Variants in ARHGAP8 observed in about 807,000 individuals in gnomAD.
ARHGAP8 encodes rho GTPase-activating protein 8.
In ARHGAP8, 62 loss-of-function variants were observed where a neutral mutation model predicts 46.1. The observed-to-expected ratio is 1.34, with a 90% CI of 1.10 to 1.66. The LOEUF (loss-of-function observed/expected upper bound fraction) is 1.66, where lower values mean the gene tolerates loss of function less well. ARHGAP8 is among the 40% of genes most tolerant of loss of function. The pLI is 0.00. For missense variants in ARHGAP8, 923 were observed against 568.4 expected, an observed-to-expected ratio of 1.62 and a Z score of -6.34; for synonymous variants, 375 against 243.1, an observed-to-expected ratio of 1.54 and a Z score of -5.05.
chr22:44,826,072 T>G (rs1388029943), intron 7 of ARHGAP8, among the ~76,000 whole-genome samples: 2 of 151,986 alleles, frequency 1.3e-5, no homozygotes, highest in Non-Finnish European at 2.9e-5. Flanking sequence ...CCCACCACCT[T>G]CAAGGAGGGC....
rs1555925268 is a variant in ARHGAP8 at position 44,862,542 on chromosome 22, ACCAAGCCTACCCTACCTCC to A, written c.1250_1268del (p.Thr417ArgfsTer4). 8.1e-6 allele frequency: 13 copies of A among 1,606,320 alleles called. No homozygotes were observed. The highest frequency in any genetic ancestry group is 1.1e-5 in the Non-Finnish European group (13 of 1,173,994). ...GCCACGGACACAAGCCACGGGCCTC[ACCAAGCCTACCCTACCTCC>A]GAGTCCCCTGATGGCAGCCAGAAGA... On this transcript the variant is annotated frameshift_variant, in exon 12 of 12. Transcript: ENST00000356099. LOFTEE classifies it low-confidence loss of function (END_TRUNC).
intron 2 of ARHGAP8, among the ~76,000 whole-genome samples, chr22:44,793,311 G>A (rs913770753): frequency 1.3e-5 from 2 of 152,166 alleles, no homozygotes; most frequent in African/African-American, 4.8e-5. Context: ...AGAAGAGGTA[G>A]AGGTAGACGC....
At chr22:44,799,399 C>T (rs1928325385) in intron 2 of ARHGAP8, among the ~76,000 whole-genome samples, 1 of 152,164 alleles carries the variant, frequency 6.6e-6, no homozygotes. Context: ...ATGCGGGGGG[C>T]AACAGCTTTT....
intron 2 of ARHGAP8, among the ~76,000 whole-genome samples, chr22:44,791,650 G>A (rs914910212): frequency 1.3e-5 from 2 of 152,182 alleles, no homozygotes; most frequent in Admixed American, 6.5e-5. Context: ...GTTGCAGTGA[G>A]CCGAGATTGC....
chr22:44,760,797 C>G (rs1925070210), intron 1 of ARHGAP8, among the ~76,000 whole-genome samples: 2 of 152,218 alleles, frequency 1.3e-5, no homozygotes, highest in South Asian at 4.1e-4. Flanking sequence ...TGCCAGCATG[C>G]CTGTTCGGGT....
rs140266585 is a variant in ARHGAP8, at chr22:44,790,545, A to G, written c.79+3939A>G. 3.1e-3 allele frequency among the ~76,000 whole-genome samples: 464 copies of G among 151,754 alleles called. 3 individuals carry two copies. Among genetic ancestry groups the G allele is most frequent in the East Asian group, 4.8e-3 (24 of 5,050 alleles). ...ACAAAAATTAGCCAGGTGTGGTGGCACATATCTGTAATCCCAGCTACTTGG... is the reference window on the plus strand; with the variant it reads ...ACAAAAATTAGCCAGGTGTGGTGGCGCATATCTGTAATCCCAGCTACTTGG... On this transcript the variant is annotated intron_variant, in intron 2 of 11. Coordinates refer to ENST00000356099, the MANE Select transcript of ARHGAP8 (RefSeq NM_181335.3).
intron 5 of ARHGAP8, among the ~76,000 whole-genome samples, chr22:44,816,178 C>G (rs1326989721): frequency 6.6e-6 from 1 of 152,110 alleles, no homozygotes; most frequent in East Asian, 1.9e-4. Context: ...GGCTCTGAGG[C>G]TGCTGCTGAC....
intron 11 of ARHGAP8, 140 bp downstream of exon 11, chr22:44,859,974 C>A (rs184336573): frequency 2.2e-5 from 23 of 1,032,700 alleles, no homozygotes; most frequent in Middle Eastern, 5.8e-4. Flanking sequence ...CCCTGCCCCC[C>A]AAGGACCTCA....
intron 1 of ARHGAP8, among the ~76,000 whole-genome samples, chr22:44,773,167 A>C (rs1569137513): frequency 6.6e-6 from 1 of 152,152 alleles, no homozygotes; most frequent in Non-Finnish European, 1.5e-5. Flanking sequence ...TGGGCTATTC[A>C]GGTTATCAGT....
At chr22:44,853,542 C>G (rs2070147600) in intron 10 of ARHGAP8, among the ~76,000 whole-genome samples, 1 of 152,202 alleles carries the variant, frequency 6.6e-6, no homozygotes, top group South Asian at 2.1e-4. Context: ...TGTACCGTTG[C>G]TTCTCTCTTG....
chr22:44,849,158 C>T (rs901559692), intron 10 of ARHGAP8, 98 bp downstream of exon 10: 18 of 1,570,646 alleles, frequency 1.1e-5, no homozygotes, highest in African/African-American at 2.7e-5. Context: ...GCCGAGGTGA[C>T]GTGTACCCAC....
chr22:44,843,733 A>G (rs1931797252), intron 7 of ARHGAP8, among the ~76,000 whole-genome samples: 2 of 151,818 alleles, frequency 1.3e-5, no homozygotes, highest in African/African-American at 2.4e-5. Flanking sequence ...GCTAAGGTGA[A>G]AGTATTGCTT....
At chr22:44,774,706 A>G (rs1926292081) in intron 1 of ARHGAP8, among the ~76,000 whole-genome samples, 1 of 151,724 alleles carries the variant, frequency 6.6e-6, no homozygotes. Context: ...TGTTTTTAGT[A>G]GAGACGGATT....
At chr22:44,781,831 ATTTATT>A (rs1926869070) in intron 1 of ARHGAP8, among the ~76,000 whole-genome samples, 2 of 149,642 alleles carry the variant, frequency 1.3e-5, no homozygotes, top group Admixed American at 6.6e-5. Flanking sequence ...GGCCTATTTT[ATTTATT>A]TTTATTTTAT....
intron 5 of ARHGAP8, among the ~76,000 whole-genome samples, chr22:44,818,314 T>C (rs552658882): frequency 1.3e-5 from 2 of 151,962 alleles, no homozygotes; most frequent in African/African-American, 4.8e-5. Flanking sequence ...CTGGGCGTGG[T>C]GGCGCATGAC....
chr22:44,809,540 C>T, intron 4 of ARHGAP8: 1 of 251,934 alleles, frequency 4.0e-6, no homozygotes, highest in Non-Finnish European at 7.9e-6. Context: ...AGGACATAGG[C>T]CCCAGGGAGC....
At chr22:44,796,518 G>T (rs1438743769) in intron 2 of ARHGAP8, among the ~76,000 whole-genome samples, 1 of 151,374 alleles carries the variant, frequency 6.6e-6, no homozygotes, top group Non-Finnish European at 1.5e-5. Context: ...GGAGGGGCTG[G>T]AGGCTGAGTT....
intron 1 of ARHGAP8, among the ~76,000 whole-genome samples, chr22:44,771,374 G>A (rs1360572701): frequency 6.0e-5 from 9 of 148,904 alleles, no homozygotes; most frequent in Admixed American, 1.4e-4. Context: ...AGCCTCCCAA[G>A]TAGCTGGGAC....
intron 7 of ARHGAP8, among the ~76,000 whole-genome samples, chr22:44,839,460 G>A (rs1390393921): frequency 1.3e-5 from 2 of 152,120 alleles, no homozygotes; most frequent in Admixed American, 6.5e-5. Context: ...GTAAATCTTG[G>A]AATAAAACTA....
Sources: gnomAD v4.1 joint callset for allele counts (sites outside exome capture counted in the v4.1 genomes callset) on GRCh38, gnomAD v4.1.1 for gene constraint, MANE v1.5 for transcripts, NCBI Gene and HGNC (gene_info 2026-07-23, HGNC 2026-07-21) for gene names.